Variants in COMMD1 observed in about 807,000 individuals in gnomAD.
The protein encoded by COMMD1 is copper metabolism domain containing 1, also known as COMM domain-containing protein 1.
A neutral mutation model predicts 17.2 loss-of-function variants in COMMD1; 10 were observed. The observed-to-expected ratio is 0.58, with a 90% CI of 0.36 to 0.99. The LOEUF (loss-of-function observed/expected upper bound fraction) is 0.99, where lower values mean the gene tolerates loss of function less well. Ranked by LOEUF, COMMD1 falls within the 50% of genes least tolerant of loss-of-function variation. The pLI, the probability that COMMD1 is intolerant of heterozygous loss-of-function variation, is 0.01. For missense variants in COMMD1, 270 were observed against 231.8 expected, an observed-to-expected ratio of 1.17 and a Z score of -1.07; for synonymous variants, 97 against 91.6, an observed-to-expected ratio of 1.06 and a Z score of -0.34.
intron 1 of COMMD1, among the ~76,000 whole-genome samples, chr2:61,930,846 C>T (rs1670447904): frequency 6.6e-6 from 1 of 151,894 alleles, no homozygotes; most frequent in African/African-American, 2.4e-5. Flanking sequence ...AAACAAGTTT[C>T]AGATATGATA....
At chr2:61,930,656 T>TGTGTGA (rs910481777) in intron 1 of COMMD1, among the ~76,000 whole-genome samples, 4 of 148,332 alleles carry the variant, frequency 2.7e-5, no homozygotes, top group Admixed American at 6.8e-5. Context: ...TGTGTGTGTG[T>TGTGTGA]GAGTGAGTGT....
intron 1 of COMMD1, among the ~76,000 whole-genome samples, chr2:61,897,024 T>A (rs1016379253): frequency 2.6e-5 from 4 of 151,956 alleles, no homozygotes; most frequent in African/African-American, 9.7e-5. Context: ...GAGATGGGGT[T>A]TCACCATATT....
intron 2 of COMMD1, among the ~76,000 whole-genome samples, chr2:62,105,176 G>A (rs562335644): frequency 1.3e-5 from 2 of 151,114 alleles, no homozygotes; most frequent in East Asian, 1.9e-4. Flanking sequence ...TAACATAATA[G>A]TAGATTGAAT....
intron 2 of COMMD1, among the ~76,000 whole-genome samples, chr2:62,028,273 T>A (rs189498176): frequency 1.6e-4 from 24 of 152,318 alleles, no homozygotes; most frequent in Middle Eastern, 6.8e-3. Flanking sequence ...CTTTTTTCAA[T>A]ATAAAAGGAA....
At chr2:61,952,019 G>A (rs1239037947) in intron 1 of COMMD1, among the ~76,000 whole-genome samples, 1 of 152,072 alleles carries the variant, frequency 6.6e-6, no homozygotes, top group Non-Finnish European at 1.5e-5. Context: ...AATAAGGCTG[G>A]TATGACCATT....
intron 2 of COMMD1, among the ~76,000 whole-genome samples, chr2:62,067,008 GA>G (rs1671070675): frequency 1.3e-5 from 2 of 152,086 alleles, no homozygotes; most frequent in Non-Finnish European, 2.9e-5. Flanking sequence ...TTACAGGCTT[GA>G]GCCACCGTGC....
intron 1 of COMMD1, among the ~76,000 whole-genome samples, chr2:61,900,429 T>G (rs1178533005): frequency 6.6e-6 from 1 of 152,252 alleles, no homozygotes; most frequent in Non-Finnish European, 1.5e-5. Context: ...CACAATATTT[T>G]GCGTCAAAAT....
intron 1 of COMMD1, among the ~76,000 whole-genome samples, chr2:61,913,707 A>G (rs2105182011): frequency 6.7e-6 from 1 of 149,260 alleles, no homozygotes; most frequent in African/African-American, 2.5e-5. Flanking sequence ...GGGGCAGGAG[A>G]ATGGCATGAA....
intron 2 of COMMD1, among the ~76,000 whole-genome samples, chr2:62,042,165 A>G (rs1382500301): frequency 1.3e-5 from 2 of 152,166 alleles, no homozygotes; most frequent in Non-Finnish European, 2.9e-5. Flanking sequence ...AGCTAGACAC[A>G]CAGCGCTGAT....
intron 2 of COMMD1, among the ~76,000 whole-genome samples, chr2:62,048,871 A>C (rs746445921): frequency 2.6e-5 from 4 of 152,168 alleles, no homozygotes; most frequent in Admixed American, 6.5e-5. Flanking sequence ...GGACATATAC[A>C]GGTGACAGCA....
At chr2:61,954,279 A>G (rs990332782) in intron 1 of COMMD1, among the ~76,000 whole-genome samples, 2 of 152,186 alleles carry the variant, frequency 1.3e-5, no homozygotes, top group Non-Finnish European at 2.9e-5. Context: ...AAATGGAGTC[A>G]TTGCTCTGAA....
intron 1 of COMMD1, among the ~76,000 whole-genome samples, chr2:61,894,572 T>C (rs1446173761): frequency 6.6e-6 from 1 of 151,916 alleles, no homozygotes. Flanking sequence ...TAGAAACGTT[T>C]CAAGGAAAAT....
At chr2:61,905,641 C>G, upstream of COMMD1, 1 of 1,501,318 alleles carries the variant, frequency 6.7e-7, no homozygotes, top group Non-Finnish European at 8.9e-7. Context: ...CGTGGCGGGG[C>G]ACGGCTCAGC....
intron 2 of COMMD1, among the ~76,000 whole-genome samples, chr2:62,074,061 C>T (rs1044530619): frequency 9.2e-5 from 14 of 152,164 alleles, no homozygotes; most frequent in African/African-American, 3.4e-4. Flanking sequence ...AAACCAGGGC[C>T]AGCCAAATGA....
At position 61,998,491 on chromosome 2, in the gene COMMD1, C is replaced by T. The variant is rs142479022; in HGVS notation, c.181-2210C>T. On this transcript the variant is annotated intron_variant, in intron 1 of 2. Transcript: ENST00000311832. ...TCCAGGCTGGTCTCGAACTCCGGACCTCAAGTGATCTGCCCAATTCGGCCT... is the reference window on the plus strand; with the variant it reads ...TCCAGGCTGGTCTCGAACTCCGGACTTCAAGTGATCTGCCCAATTCGGCCT... Among the ~76,000 whole-genome samples, 702 of 152,162 alleles carry T rather than the reference C, an allele frequency of 4.6e-3. 9 individuals carry two copies. Among genetic ancestry groups the T allele is most frequent in the East Asian group, 0.035 (181 of 5,182 alleles).
intron 1 of COMMD1, among the ~76,000 whole-genome samples, chr2:61,893,810 C>CAA (rs113358661): frequency 8.7e-4 from 97 of 110,998 alleles, no homozygotes; most frequent in African/African-American, 2.8e-3. Context: ...ACCTCCATCT[C>CAA]AAAAAAAAAA....
At chr2:61,970,559 A>C (rs1226867030) in intron 1 of COMMD1, among the ~76,000 whole-genome samples, 1 of 149,616 alleles carries the variant, frequency 6.7e-6, no homozygotes, top group Non-Finnish European at 1.5e-5. Flanking sequence ...GAATAATGAT[A>C]AAAAAAAGTT....
At chr2:61,969,884 T>C (rs938310581) in intron 1 of COMMD1, among the ~76,000 whole-genome samples, 1 of 152,096 alleles carries the variant, frequency 6.6e-6, no homozygotes, top group Admixed American at 6.6e-5. Context: ...CTTGGTACAA[T>C]CCAGCAATAT....
At chr2:61,967,290 A>G (rs1175205413) in intron 1 of COMMD1, among the ~76,000 whole-genome samples, 1 of 152,206 alleles carries the variant, frequency 6.6e-6, no homozygotes, top group African/African-American at 2.4e-5. Flanking sequence ...AAAAATACAT[A>G]AAAACATACA....
Sources: allele counts gnomAD v4.1 joint callset (sites outside exome capture counted in the v4.1 genomes callset), GRCh38; gene constraint gnomAD v4.1.1; transcripts MANE v1.5; gene names NCBI Gene and HGNC (gene_info 2026-07-23, HGNC 2026-07-21).